ENOSF1: variants seen among roughly 807,000 people sequenced by gnomAD.
ENOSF1 encodes the protein mitochondrial enolase superfamily member 1.
Under a neutral mutation model 68.2 loss-of-function variants are expected in ENOSF1, and 73 were observed. The observed-to-expected ratio is 1.07, with a 90% CI of 0.89 to 1.30. The LOEUF (loss-of-function observed/expected upper bound fraction) is 1.30, where lower values mean the gene tolerates loss of function less well. Ranked by LOEUF, ENOSF1 falls within the 50% of genes most tolerant of loss-of-function variation. The pLI is 0.00. For synonymous variants in ENOSF1, 223 were observed against 210.4 expected, an observed-to-expected ratio of 1.06 and a Z score of -0.52; for missense variants, 589 against 554.5, an observed-to-expected ratio of 1.06 and a Z score of -0.62.
intron 12 of ENOSF1, 101 bp from the exon 13 acceptor site, chr18:677,973 T>C (rs2075684169): frequency 7.4e-7 from 1 of 1,359,380 alleles, no homozygotes; most frequent in African/African-American, 1.5e-5. Flanking sequence ...TAATTATTCA[T>C]CAGTGGCCGT....
chr18:677,432 G>A lies in ENOSF1; in HGVS notation c.1061C>T (p.Pro354Leu). Residue 354 changes from proline to leucine, a missense_variant, in exon 14 of 16, where the codon CCC (proline) becomes CTC (leucine). Transcript: ENST00000647584. ...ACAGAGGCCAACTCCACCAGCATGG[G>A]GGCAAACAGGAACTAAAAGGAAATC... The part of the protein sequence containing the change: ...MAKKFEIPVC[P>L]HAGGVGLCEL... 6.2e-7 allele frequency: 1 copy of A among 1,612,744 alleles called. No homozygotes were observed. The highest frequency in any genetic ancestry group is 1.1e-5 in the South Asian group (1 of 90,830).
At chr18:711,749 T>G (rs1598853083) in intron 1 of ENOSF1, among the ~76,000 whole-genome samples, 1 of 152,208 alleles carries the variant, frequency 6.6e-6, no homozygotes, top group Admixed American at 6.5e-5. Flanking sequence ...ATTACATCTC[T>G]TAAGACGAAC....
At chr18:703,609 G>A (rs922785488) in intron 2 of ENOSF1, among the ~76,000 whole-genome samples, 12 of 152,156 alleles carry the variant, frequency 7.9e-5, no homozygotes, top group Non-Finnish European at 1.3e-4. Flanking sequence ...GGAGAAAAGC[G>A]GGACTGACTC....
chr18:702,801 TTAAG>T (rs1164397064), intron 2 of ENOSF1, among the ~76,000 whole-genome samples: 1 of 152,132 alleles, frequency 6.6e-6, no homozygotes, highest in Non-Finnish European at 1.5e-5. Flanking sequence ...TGAATATTAA[TTAAG>T]TAAATTTAAT....
chr18:667,853 AT>A (rs1418331258), downstream of ENOSF1: 1 of 152,046 alleles, frequency 6.6e-6, no homozygotes, highest in Non-Finnish European at 1.5e-5. Flanking sequence ...CCTGCCTAGT[AT>A]TCAATTATTT....
chr18:690,928 G>A, intron 7 of ENOSF1, 140 bp downstream of exon 7: 1 of 1,189,648 alleles, frequency 8.4e-7, no homozygotes, highest in Middle Eastern at 2.9e-4. Flanking sequence ...GCTTCACCAT[G>A]CAGACTTGAA....
In ENOSF1 at chr18:673,806, G is replaced by C. The variant is rs1410293453; in HGVS notation, c.*499C>G. On this transcript the variant is annotated 3_prime_UTR_variant, in exon 16 of 16. Coordinates refer to ENST00000647584, the MANE Select transcript of ENOSF1 (RefSeq NM_017512.7). ...TTGCCCTCATTAGCTTCAGCATGGTGTGACTTCTCTAATAATATGCTTAGA... is the reference window on the plus strand; with the variant it reads ...TTGCCCTCATTAGCTTCAGCATGGTCTGACTTCTCTAATAATATGCTTAGA... 6.6e-6 allele frequency: 1 copy of C among 150,606 alleles called. No homozygotes were observed. Among genetic ancestry groups the C allele is most frequent in the African/African-American group, 2.5e-5 (1 of 40,524 alleles). The allele number at this position is 150,606 out of a possible 1,614,324, so 9.3% of individuals were successfully genotyped here. A position where few individuals can be genotyped will look rare whatever the true frequency, so the allele number is the denominator to read the frequency against.
downstream of ENOSF1, chr18:669,137 G>A (rs776063973): frequency 3.1e-6 from 5 of 1,614,048 alleles, no homozygotes; most frequent in Non-Finnish European, 4.2e-6. Flanking sequence ...CAACCCTGAC[G>A]ACAGAAGAAT....
chr18:683,664 C>T (rs111946369), intron 10 of ENOSF1, among the ~76,000 whole-genome samples: 153 of 152,084 alleles, frequency 1.0e-3, no homozygotes, highest in African/African-American at 3.5e-3. Flanking sequence ...GAGAAGTGCT[C>T]GCTGGCCCTG....
At position 683,282 on chromosome 18, in the gene ENOSF1, G is replaced by T. The variant is rs1015497670; in HGVS notation, c.840C>A (p.Ser280=). The change falls in exon 11 of 16, where the codon TCC becomes TCA. Residue 280 remains serine (S), a synonymous_variant. Transcript: ENST00000647584. ...TGGCGTGCCCCAGAATGTCATCAGG[G>T]GAGGTTGGCTCCTCAATCCACAATG... ...FKPLWIEEPT[S]PDDILGHATI... The T allele has an allele frequency of 1.2e-5, 19 of 1,614,022 alleles. No homozygotes were observed. Among genetic ancestry groups the T allele is most frequent in the Admixed American group, 1.7e-5 (1 of 59,988 alleles).
downstream of ENOSF1, among the ~76,000 whole-genome samples, chr18:666,221 A>T (rs926771413): frequency 2.6e-5 from 4 of 151,396 alleles, no homozygotes; most frequent in African/African-American, 9.8e-5. Flanking sequence ...TCATCGGCAG[A>T]TAGCTGCATG....
intron 10 of ENOSF1, among the ~76,000 whole-genome samples, chr18:684,030 G>A (rs1278479320): frequency 6.7e-6 from 1 of 150,054 alleles, no homozygotes; most frequent in Non-Finnish European, 1.5e-5. Flanking sequence ...GTCTCGCTCT[G>A]TCACCAAGGC....
chr18:670,908 C>T lies in ENOSF1; in HGVS notation c.*3397G>A. ...AAGGGTGACTTGCCAGCCTACCACACTGAGCTCTTCAGTTCTTTAATATGG... is the reference window on the plus strand; with the variant it reads ...AAGGGTGACTTGCCAGCCTACCACATTGAGCTCTTCAGTTCTTTAATATGG... On this transcript the variant is annotated 3_prime_UTR_variant, in exon 16 of 16. Coordinates refer to ENST00000647584, the MANE Select transcript of ENOSF1 (RefSeq NM_017512.7). 1 of 1,603,496 alleles carries T rather than the reference C, an allele frequency of 6.2e-7. No homozygotes were observed. Among genetic ancestry groups the T allele is most frequent in the Non-Finnish European group, 8.5e-7 (1 of 1,173,968 alleles).
At position 704,440 on chromosome 18, in the gene ENOSF1, G is replaced by GAAAAAAAA. The variant is rs11429267; in HGVS notation, c.193+2022_193+2029dup. On this transcript the variant is annotated intron_variant, in intron 2 of 15. Coordinates refer to ENST00000647584, the MANE Select transcript of ENOSF1 (RefSeq NM_017512.7). Reference sequence around the variant, plus strand: ...AAGACTCTTGTTTCCAAAAAGAAAAGAAAAAAAAAAAAAAAAAGAACAGCC... The same window carrying GAAAAAAAA: ...AAGACTCTTGTTTCCAAAAAGAAAAGAAAAAAAAAAAAAAAAAAAAAAAAAGAACAGCC... Among the ~76,000 whole-genome samples, 60 of 97,228 alleles carry GAAAAAAAA rather than the reference G, an allele frequency of 6.2e-4. 4 individuals are homozygous for GAAAAAAAA. The highest frequency in any genetic ancestry group is 1.6e-3 in the African/African-American group (43 of 26,228). 63.8% of individuals were successfully genotyped at this position (97,228 alleles called of 152,430 possible). A position where few individuals can be genotyped will look rare whatever the true frequency, so the allele number is the denominator to read the frequency against.
intron 1 of ENOSF1, among the ~76,000 whole-genome samples, chr18:710,170 A>G (rs1024239711): frequency 6.6e-6 from 1 of 152,060 alleles, no homozygotes; most frequent in Non-Finnish European, 1.5e-5. Context: ...GTGCAGTGAC[A>G]CAATTACAGC....
At chr18:695,367 G>A (rs2847321) in intron 3 of ENOSF1, among the ~76,000 whole-genome samples, 34,799 of 151,936 alleles carry the variant, frequency 0.23, 4,172 homozygotes, top group Admixed American at 0.28. Context: ...TACCACTTGG[G>A]TAACTTAGTG....
intron 11 of ENOSF1, 34 bp downstream of exon 11, chr18:683,212 T>A: frequency 6.2e-7 from 1 of 1,611,592 alleles, no homozygotes; most frequent in Non-Finnish European, 8.5e-7. Flanking sequence ...AACAGAAAAA[T>A]AAGCTGCCAC....
At chr18:669,371 T>G, downstream of ENOSF1, 1 of 394,432 alleles carries the variant, frequency 2.5e-6, no homozygotes. Flanking sequence ...AGAGGATTTT[T>G]TTTTTTTTTT....
In ENOSF1 at chr18:672,246, C is replaced by T. The variant is rs1382353543; in HGVS notation, c.*2059G>A. The T allele has an allele frequency of 6.6e-6, 1 of 152,214 alleles. No homozygotes were observed. The highest frequency in any genetic ancestry group is 1.5e-5 in the Non-Finnish European group (1 of 68,060). The allele number at this position is 152,214 out of a possible 1,614,324, so 9.4% of individuals were successfully genotyped here. On this transcript the variant is annotated 3_prime_UTR_variant, in exon 16 of 16. Coordinates refer to ENST00000647584, the MANE Select transcript of ENOSF1 (RefSeq NM_017512.7). ...AAGGAAAAAAACTCAGAACCAGACA[C>T]TTTTTAGCCCCTTCCAGGTTAGATC...
Sources: allele counts gnomAD v4.1 joint callset (sites outside exome capture counted in the v4.1 genomes callset), GRCh38; gene constraint gnomAD v4.1.1; transcripts MANE v1.5; gene names NCBI Gene and HGNC (gene_info 2026-07-23, HGNC 2026-07-21).